DESI2: variants seen among roughly 807,000 people sequenced by gnomAD.
DESI2 encodes desumoylating isopeptidase 2.
A neutral mutation model predicts 24.1 loss-of-function variants in DESI2; 10 were observed. The observed-to-expected ratio is 0.41, with a 90% CI of 0.26 to 0.70. The LOEUF (loss-of-function observed/expected upper bound fraction) is 0.70, where lower values mean the gene tolerates loss of function less well. Ranked by LOEUF, DESI2 falls within the 30% of genes least tolerant of loss-of-function variation. The pLI is 0.29. For missense variants in DESI2, 122 were observed against 234.9 expected (o/e 0.52, Z 3.14); for synonymous variants, 71 against 87.7 (o/e 0.81, Z 1.06).
intron 1 of DESI2, among the ~76,000 whole-genome samples, chr1:244,671,404 C>T (rs1290232630): frequency 6.6e-6 from 1 of 152,128 alleles, no homozygotes; most frequent in African/African-American, 2.4e-5. Context: ...CCCCCAGTGT[C>T]ATTATATGTA....
chr1:244,672,387 C>T (rs1676276813), intron 1 of DESI2, among the ~76,000 whole-genome samples: 1 of 152,120 alleles, frequency 6.6e-6, no homozygotes, highest in African/African-American at 2.4e-5. Context: ...TTTTGTTTTC[C>T]ACCATGATTG....
chr1:244,653,745 G>A (rs1162740204), intron 1 of DESI2: 2 of 339,120 alleles, frequency 5.9e-6, no homozygotes, highest in Non-Finnish European at 1.1e-5. Context: ...GACCGCCTGC[G>A]CTCCCAGCTC....
intron 3 of DESI2, among the ~76,000 whole-genome samples, chr1:244,691,432 T>A (rs1365813435): frequency 6.6e-6 from 1 of 152,270 alleles, no homozygotes; most frequent in Non-Finnish European, 1.5e-5. Context: ...TTTGACAGTT[T>A]GTCTCATTGC....
chr1:244,694,700 C>T (rs1403157890), intron 4 of DESI2: 3 of 728,668 alleles, frequency 4.1e-6, no homozygotes, highest in African/African-American at 3.5e-5. Flanking sequence ...GCTTTCCAAA[C>T]GATGATGTTG....
chr1:244,701,870 A>G (rs569486364), intron 4 of DESI2, among the ~76,000 whole-genome samples: 1 of 152,226 alleles, frequency 6.6e-6, no homozygotes, highest in Non-Finnish European at 1.5e-5. Context: ...CAACCTGTTA[A>G]TGGCACTTGG....
At chr1:244,655,718 C>A (rs924643099) in intron 1 of DESI2, among the ~76,000 whole-genome samples, 5 of 152,178 alleles carry the variant, frequency 3.3e-5, no homozygotes, top group African/African-American at 1.2e-4. Context: ...GAATGGGTAG[C>A]ATCCACAAGG....
chr1:244,686,235 A>C (rs1275260541), intron 1 of DESI2, among the ~76,000 whole-genome samples: 1 of 151,162 alleles, frequency 6.6e-6, no homozygotes, highest in Non-Finnish European at 1.5e-5. Context: ...AGAAAAATAG[A>C]TATGAAAGCA....
chr1:244,678,612 G>A (rs948231021), intron 1 of DESI2, among the ~76,000 whole-genome samples: 1 of 152,072 alleles, frequency 6.6e-6, no homozygotes, highest in African/African-American at 2.4e-5. Flanking sequence ...CTTTCAGAAG[G>A]CTATTTACTG....
chr1:244,698,821 T>C (rs557607070), intron 4 of DESI2, among the ~76,000 whole-genome samples: 6 of 152,356 alleles, frequency 3.9e-5, no homozygotes, highest in Non-Finnish European at 7.3e-5. Context: ...GGGAACCGGC[T>C]TCTCTGGTGG....
chr1:244,658,290 G>A (rs1283170222), intron 1 of DESI2, among the ~76,000 whole-genome samples: 1 of 152,132 alleles, frequency 6.6e-6, no homozygotes, highest in Non-Finnish European at 1.5e-5. Flanking sequence ...CTATATAACA[G>A]TCTTTATTCT....
Position 244,653,144 on chromosome 1 carries a change from C to A in DESI2, c.-170C>A. 1 of 562,152 alleles carries A rather than the reference C, an allele frequency of 1.8e-6. No homozygotes were observed. The highest frequency in any genetic ancestry group is 2.7e-6 in the Non-Finnish European group (1 of 368,798). 34.8% of individuals were successfully genotyped at this position (562,152 alleles called of 1,614,324 possible). ...TCCGCACAGACGCTCCTGTCGGCGG[C>A]GCCCGGGAGCGGCTCGGCTGCCCGA... On this transcript the variant is annotated 5_prime_UTR_variant, in exon 1 of 5. Transcript: ENST00000302550.
chr1:244,667,026 A>G (rs1455399203), intron 1 of DESI2, among the ~76,000 whole-genome samples: 2 of 152,062 alleles, frequency 1.3e-5, no homozygotes, highest in African/African-American at 4.8e-5. Context: ...CCCACAATAC[A>G]TGGGAATTCT....
chr1:244,692,197 G>A (rs892452095), intron 4 of DESI2, among the ~76,000 whole-genome samples, 177 bp downstream of exon 4: 3 of 152,116 alleles, frequency 2.0e-5, no homozygotes, highest in East Asian at 1.9e-4. Flanking sequence ...TAACTTGAGA[G>A]TCCGCAGTTT....
intron 1 of DESI2, among the ~76,000 whole-genome samples, chr1:244,684,738 G>A (rs1246090803): frequency 6.6e-6 from 1 of 152,152 alleles, no homozygotes; most frequent in Non-Finnish European, 1.5e-5. Flanking sequence ...GACAACTACA[G>A]TTAATATCCT....
intron 4 of DESI2, among the ~76,000 whole-genome samples, chr1:244,700,122 C>T (rs1235171679): frequency 1.3e-5 from 2 of 152,202 alleles, no homozygotes; most frequent in Non-Finnish European, 2.9e-5. Flanking sequence ...TGCACCTTTT[C>T]GCTTGCCAAT....
At chr1:244,704,832 G>C (rs1677630342) in intron 4 of DESI2, among the ~76,000 whole-genome samples, 1 of 152,268 alleles carries the variant, frequency 6.6e-6, no homozygotes, top group East Asian at 1.9e-4. Context: ...CTAATTTTTT[G>C]TATTTTTGGT....
At chr1:244,700,928 A>G (rs180829872) in intron 4 of DESI2, among the ~76,000 whole-genome samples, 10 of 152,314 alleles carry the variant, frequency 6.6e-5, no homozygotes, top group Non-Finnish European at 1.0e-4. Flanking sequence ...AGTAAAATTC[A>G]TGTGTTTTAC....
chr1:244,678,186 A>G (rs911832804), intron 1 of DESI2, among the ~76,000 whole-genome samples: 2 of 152,218 alleles, frequency 1.3e-5, no homozygotes, highest in Non-Finnish European at 2.9e-5. Context: ...TATTTAGGCC[A>G]CATCTCATTA....
chr1:244,700,329 T>C (rs1231064476), intron 4 of DESI2, among the ~76,000 whole-genome samples: 1 of 152,208 alleles, frequency 6.6e-6, no homozygotes, highest in African/African-American at 2.4e-5. Context: ...TTTAGCATCG[T>C]GAATATCTCC....
Sources: gnomAD v4.1 joint callset for allele counts (sites outside exome capture counted in the v4.1 genomes callset) on GRCh38, gnomAD v4.1.1 for gene constraint, MANE v1.5 for transcripts, NCBI Gene and HGNC (gene_info 2026-07-23, HGNC 2026-07-21) for gene names.